Variants in CDH13 observed in about 807,000 individuals in gnomAD.
CDH13 encodes cadherin 13, also known as cadherin-13.
In CDH13, 24 loss-of-function variants were observed where a neutral mutation model predicts 63.8. That is an observed-to-expected ratio of 0.38 (90% CI 0.27 to 0.53). The LOEUF (loss-of-function observed/expected upper bound fraction) is 0.53, where lower values mean the gene tolerates loss of function less well. Ranked by LOEUF, CDH13 falls within the 20% of genes least tolerant of loss-of-function variation. The pLI is 0.85. For missense variants in CDH13, 1,049 were observed against 903.1 expected (o/e 1.16, Z -2.07); for synonymous variants, 503 against 355.3 (o/e 1.42, Z -4.67).
chr16:83,389,650 C>T (rs1286101831), intron 6 of CDH13, among the ~76,000 whole-genome samples: 3 of 152,180 alleles, frequency 2.0e-5, no homozygotes, highest in African/African-American at 7.2e-5. Flanking sequence ...CTTATGGTGT[C>T]ACATAGCTTG....
intron 2 of CDH13, among the ~76,000 whole-genome samples, chr16:83,029,680 G>C (rs2151469015): frequency 6.6e-6 from 1 of 152,260 alleles, no homozygotes; most frequent in East Asian, 1.9e-4. Context: ...CCAATCTGTG[G>C]TATTAGAGGC....
chr16:83,691,086 G>C (rs1904822294), intron 10 of CDH13, among the ~76,000 whole-genome samples: 1 of 110,740 alleles, frequency 9.0e-6, no homozygotes, highest in Non-Finnish European at 2.0e-5. Flanking sequence ...GTGTGTGTGT[G>C]TGTGTGTGTG....
chr16:83,659,301 C>T (rs987484092), intron 8 of CDH13, among the ~76,000 whole-genome samples: 9 of 150,644 alleles, frequency 6.0e-5, no homozygotes, highest in East Asian at 2.0e-4. Flanking sequence ...CACCAGGTCC[C>T]GTATCCTCAC....
intron 2 of CDH13, among the ~76,000 whole-genome samples, chr16:82,890,113 T>C (rs1051720813): frequency 9.2e-5 from 14 of 152,230 alleles, no homozygotes; most frequent in African/African-American, 3.1e-4. Context: ...TTCGTGATTC[T>C]AGAGACACCA....
chr16:83,240,683 A>G (rs1904340618), intron 5 of CDH13, among the ~76,000 whole-genome samples: 1 of 151,038 alleles, frequency 6.6e-6, no homozygotes, highest in Admixed American at 6.6e-5. Context: ...TAAAAAAAAA[A>G]AAAAAAACAT....
intron 5 of CDH13, among the ~76,000 whole-genome samples, chr16:83,336,175 T>C (rs2090591159): frequency 6.6e-6 from 1 of 151,682 alleles, no homozygotes; most frequent in African/African-American, 2.4e-5. Context: ...GTGGTACATA[T>C]CTGTAATCGC....
chr16:83,194,802 T>G (rs1031873536), intron 4 of CDH13, among the ~76,000 whole-genome samples: 3 of 152,174 alleles, frequency 2.0e-5, no homozygotes, highest in Non-Finnish European at 1.5e-5. Context: ...TGGCAACACT[T>G]TGTGACGGCC....
intron 7 of CDH13, among the ~76,000 whole-genome samples, chr16:83,503,268 A>G (rs1467080209): frequency 3.3e-5 from 5 of 152,238 alleles, no homozygotes; most frequent in Non-Finnish European, 5.9e-5. Flanking sequence ...ATACAGGACA[A>G]CTGGAGACCA....
chr16:83,745,678 A>C (rs1912511361), intron 10 of CDH13, among the ~76,000 whole-genome samples: 1 of 152,102 alleles, frequency 6.6e-6, no homozygotes, highest in East Asian at 1.9e-4. Flanking sequence ...TTCAGTGACC[A>C]CAGCCTCCCC....
At chr16:83,747,628 C>T (rs925537839) in intron 10 of CDH13, among the ~76,000 whole-genome samples, 65 of 151,340 alleles carry the variant, frequency 4.3e-4, no homozygotes, top group African/African-American at 1.4e-3. Flanking sequence ...TTCCTCCTGT[C>T]TTGGTTTGGA....
chr16:83,492,239 C>T (rs1268837666), intron 7 of CDH13, among the ~76,000 whole-genome samples: 1 of 152,114 alleles, frequency 6.6e-6, no homozygotes, highest in African/African-American at 2.4e-5. Context: ...CCAGTGCCTT[C>T]AATGAAAGAT....
At chr16:83,483,792 A>G (rs1181990301) in intron 6 of CDH13, among the ~76,000 whole-genome samples, 2 of 152,168 alleles carry the variant, frequency 1.3e-5, no homozygotes, top group Non-Finnish European at 1.5e-5. Context: ...AAGTTTGCCT[A>G]GATCAGGAAG....
At position 83,137,698 on chromosome 16, in the gene CDH13, G is replaced by C. The variant is rs16959390; in HGVS notation, c.483+12197G>C. Among the ~76,000 whole-genome samples, 309 of 152,294 alleles carry C rather than the reference G, an allele frequency of 2.0e-3. 3 individuals carry two copies. The highest frequency in any genetic ancestry group is 7.0e-3 in the African/African-American group (290 of 41,562). The stretch of plus-strand genomic sequence containing the variant: ...CGTTTTTCTCAGTGATGAGGCCGCA[G>C]CTGACTCAGTCGATAAGGGCCGTGA... On this transcript the variant is annotated intron_variant, in intron 4 of 13. Transcript: ENST00000567109.
At chr16:83,753,185 T>C (rs9940443) in intron 11 of CDH13, among the ~76,000 whole-genome samples, 62 of 152,328 alleles carry the variant, frequency 4.1e-4, no homozygotes, top group African/African-American at 1.5e-3. Flanking sequence ...AGCTCCTTTT[T>C]GCCTCACCAA....
chr16:83,031,825 T>C (rs1340550768), intron 2 of CDH13, among the ~76,000 whole-genome samples, 185 bp from the exon 3 acceptor site: 1 of 152,170 alleles, frequency 6.6e-6, no homozygotes, highest in Non-Finnish European at 1.5e-5. Context: ...CATGTCTTGA[T>C]TGAGTGAAGT....
At chr16:83,093,989 T>A (rs2034060558) in intron 3 of CDH13, among the ~76,000 whole-genome samples, 1 of 152,150 alleles carries the variant, frequency 6.6e-6, no homozygotes, top group South Asian at 2.1e-4. Context: ...ATAGAAAAGG[T>A]GATCTTTGAG....
chr16:83,177,645 T>C (rs1378421275), intron 4 of CDH13, among the ~76,000 whole-genome samples: 3 of 152,142 alleles, frequency 2.0e-5, no homozygotes, highest in Non-Finnish European at 2.9e-5. Context: ...CCTCCAACAT[T>C]GTAGCAAGGT....
chr16:82,901,079 T>C (rs936962067), intron 2 of CDH13, among the ~76,000 whole-genome samples: 12 of 152,072 alleles, frequency 7.9e-5, no homozygotes, highest in Non-Finnish European at 1.5e-4. Context: ...ATTGATTTTT[T>C]TTTTTTTTTT....
intron 5 of CDH13, among the ~76,000 whole-genome samples, chr16:83,287,051 C>G (rs796386408): frequency 9.2e-5 from 14 of 152,164 alleles, no homozygotes; most frequent in African/African-American, 3.4e-4. Flanking sequence ...CCTTCATGAG[C>G]GCATGCTGAA....
Sources: allele counts gnomAD v4.1 joint callset (sites outside exome capture counted in the v4.1 genomes callset), GRCh38; gene constraint gnomAD v4.1.1; transcripts MANE v1.5; gene names NCBI Gene and HGNC (gene_info 2026-07-23, HGNC 2026-07-21).